Variants in KCNS3 observed in about 807,000 individuals in gnomAD.
The protein encoded by KCNS3 is delayed-rectifier potassium channel regulatory subunit KCNS3.
In KCNS3, 13 loss-of-function variants were observed where a neutral mutation model predicts 31.0. That is an observed-to-expected ratio of 0.42 (90% CI 0.27 to 0.67). The LOEUF (loss-of-function observed/expected upper bound fraction) is 0.67. KCNS3 is among the 30% of genes least tolerant of loss of function. The pLI, the probability that KCNS3 is intolerant of heterozygous loss-of-function variation, is 0.25. For synonymous variants in KCNS3, 238 were observed against 241.5 expected, an observed-to-expected ratio of 0.99 and a Z score of 0.13; for missense variants, 545 against 622.4, an observed-to-expected ratio of 0.88 and a Z score of 1.32.
intron 1 of KCNS3, among the ~76,000 whole-genome samples, chr2:17,900,157 A>G (rs989100489): frequency 1.3e-5 from 2 of 152,126 alleles, no homozygotes; most frequent in African/African-American, 2.4e-5. Context: ...ATTAAAAAAG[A>G]TTGTTTGCTT....
At chr2:17,929,301 C>G (rs1243607506) in intron 2 of KCNS3, among the ~76,000 whole-genome samples, 2 of 152,136 alleles carry the variant, frequency 1.3e-5, no homozygotes, top group Non-Finnish European at 2.9e-5. Flanking sequence ...GCAGGCTGTA[C>G]AGGAGGCATG....
chr2:17,928,404 C>T (rs1022705695), intron 2 of KCNS3, among the ~76,000 whole-genome samples: 2 of 152,106 alleles, frequency 1.3e-5, no homozygotes, highest in African/African-American at 2.4e-5. Context: ...GTAGCTGAGA[C>T]TAGATGTGCA....
At chr2:17,907,394 G>A (rs2125243528) in intron 1 of KCNS3, among the ~76,000 whole-genome samples, 1 of 152,248 alleles carries the variant, frequency 6.6e-6, no homozygotes, top group South Asian at 2.1e-4. Flanking sequence ...GCGCACTGAT[G>A]GGTCTTGACT....
intron 2 of KCNS3, among the ~76,000 whole-genome samples, chr2:17,918,477 CA>C (rs1308506161): frequency 6.6e-6 from 1 of 152,190 alleles, no homozygotes; most frequent in Non-Finnish European, 1.5e-5. Flanking sequence ...GCCTCTTAGA[CA>C]AGTGGGGACA....
chr2:17,919,828 G>C (rs1662673248), intron 2 of KCNS3, among the ~76,000 whole-genome samples: 1 of 152,184 alleles, frequency 6.6e-6, no homozygotes, highest in Non-Finnish European at 1.5e-5. Context: ...GCTACTGGAG[G>C]TGTTGGCTCC....
At chr2:17,889,683 A>G (rs1227122756) in intron 1 of KCNS3, among the ~76,000 whole-genome samples, 5 of 152,122 alleles carry the variant, frequency 3.3e-5, no homozygotes, top group Admixed American at 3.3e-4. Context: ...TATTGAGATG[A>G]TCATGTGATT....
chr2:17,883,869 A>G (rs1314996047), intron 1 of KCNS3, among the ~76,000 whole-genome samples: 3 of 152,140 alleles, frequency 2.0e-5, no homozygotes, highest in Admixed American at 6.5e-5. Context: ...ATGTCCAACA[A>G]TGATAGACTG....
chr2:17,901,494 G>A (rs1267426256), intron 1 of KCNS3, among the ~76,000 whole-genome samples: 2 of 152,094 alleles, frequency 1.3e-5, no homozygotes, highest in African/African-American at 4.8e-5. Flanking sequence ...AGGATGAAGG[G>A]AAAATGTGGA....
intron 1 of KCNS3, among the ~76,000 whole-genome samples, chr2:17,893,755 C>T (rs1240177088): frequency 6.6e-6 from 1 of 151,854 alleles, no homozygotes; most frequent in Non-Finnish European, 1.5e-5. Flanking sequence ...TTGGGGCACT[C>T]ACAGTATTTG....
At chr2:17,893,940 G>GTTTTTTTTT (rs5829612) in intron 1 of KCNS3, among the ~76,000 whole-genome samples, 1,556 of 98,820 alleles carry the variant, frequency 0.016, 84 homozygotes, top group African/African-American at 0.038. Flanking sequence ...CCAGGAGCCA[G>GTTTTTTTTT]TTTTTTTTTT....
At chr2:17,903,796 T>C (rs1199701553) in intron 1 of KCNS3, among the ~76,000 whole-genome samples, 1 of 152,212 alleles carries the variant, frequency 6.6e-6, no homozygotes, top group Non-Finnish European at 1.5e-5. Flanking sequence ...CTCATCCTTT[T>C]TTATGGCTGC....
chr2:17,909,516 G>T (rs530010918), intron 1 of KCNS3, among the ~76,000 whole-genome samples: 178 of 152,270 alleles, frequency 1.2e-3, no homozygotes, highest in African/African-American at 4.1e-3. Context: ...TACCTCAGTT[G>T]GAAATGCAGA....
At position 17,931,649 on chromosome 2, in the gene KCNS3, A is replaced by G; in HGVS notation, c.641A>G (p.Asp214Gly). The G allele has an allele frequency of 6.2e-7, 1 of 1,614,158 alleles. No homozygotes were observed. The highest frequency in any genetic ancestry group is 8.5e-7 in the Non-Finnish European group (1 of 1,180,026). Residue 214 changes from aspartate to glycine, a missense_variant, in exon 3 of 3, where the codon GAT becomes GGT. Transcript: ENST00000304101. This position sits in a 1 kb window ranked among gnomAD's most constrained non-coding sequence, Gnocchi z 5.4. ...VHSMSEFQNE[D>G]GEVDDPVLEG... ...AGCATGTCGGAGTTCCAGAATGAGG[A>G]TGGAGAAGTGGATGATCCGGTGCTG... is the stretch of plus-strand genomic sequence containing the variant.
chr2:17,888,634 T>TCTATATAC (rs1661756562), intron 1 of KCNS3, among the ~76,000 whole-genome samples: 1 of 50,312 alleles, frequency 2.0e-5, no homozygotes, highest in Non-Finnish European at 4.9e-5. Context: ...AAAATGTATA[T>TCTATATAC]ATATATATAT....
intron 1 of KCNS3, among the ~76,000 whole-genome samples, chr2:17,883,121 C>T (rs1334166197): frequency 6.6e-6 from 1 of 152,100 alleles, no homozygotes; most frequent in Non-Finnish European, 1.5e-5. Flanking sequence ...TACAGTTAAG[C>T]AGTTAATGTT....
intron 1 of KCNS3, among the ~76,000 whole-genome samples, chr2:17,909,517 G>T (rs1662422074): frequency 6.6e-6 from 1 of 152,164 alleles, no homozygotes; most frequent in African/African-American, 2.4e-5. Flanking sequence ...ACCTCAGTTG[G>T]AAATGCAGAA....
Position 17,917,814 on chromosome 2 carries a change from T to A in KCNS3, c.-117T>A, listed in dbSNP as rs1379266737. ...GAGAAGGGCAGAGCTTCTTGGATGA[T>A]GATGGACGTCCCACCGGGCAGGATG... On this transcript the variant is annotated 5_prime_UTR_variant, in exon 2 of 3. The change abolishes an upstream ATG in the 5' untranslated region. Coordinates refer to ENST00000304101, the MANE Select transcript of KCNS3 (RefSeq NM_002252.5). 1.3e-5 allele frequency: 2 copies of A among 152,724 alleles called. No homozygotes were observed. Among genetic ancestry groups the A allele is most frequent in the Non-Finnish European group, 2.9e-5 (2 of 68,086 alleles). The allele number at this position is 152,724 out of a possible 1,614,324, so 9.5% of individuals were successfully genotyped here.
intron 2 of KCNS3, among the ~76,000 whole-genome samples, chr2:17,921,368 T>G (rs1355741583): frequency 1.3e-5 from 2 of 152,192 alleles, no homozygotes; most frequent in Non-Finnish European, 2.9e-5. Flanking sequence ...TTGTGTAATT[T>G]TATCAATAAA....
chr2:17,924,333 G>C (rs955095836), intron 2 of KCNS3, among the ~76,000 whole-genome samples: 4 of 151,740 alleles, frequency 2.6e-5, no homozygotes, highest in African/African-American at 9.7e-5. Context: ...TTTTCAGTCT[G>C]GATGCATTTT....
Sources: gnomAD v4.1 joint callset for allele counts (sites outside exome capture counted in the v4.1 genomes callset) on GRCh38, gnomAD v4.1.1 for gene constraint, Gnocchi (gnomAD v3.1) non-coding constraint, MANE v1.5 for transcripts, NCBI Gene and HGNC (gene_info 2026-07-23, HGNC 2026-07-21) for gene names.